The following CUL9 variants were observed in gnomAD, a reference collection of about 807,000 sequenced individuals.
CUL9 encodes cullin-9.
In CUL9, 79 loss-of-function variants were observed where a neutral mutation model predicts 272.6. The observed-to-expected ratio is 0.29, with a 90% CI of 0.24 to 0.35. CUL9 has a LOEUF of 0.35. Ranked by LOEUF, CUL9 falls within the 10% of genes least tolerant of loss-of-function variation. The probability of loss-of-function intolerance (pLI) is 1.00; values close to 1 mark genes in which losing one functional copy is unlikely to be tolerated. For missense variants in CUL9, 2,532 were observed against 3,255.6 expected (o/e 0.78, Z 5.41); for synonymous variants, 1,186 against 1,286.5 (o/e 0.92, Z 1.67).
chr6:43,207,834 G>A (rs899416940), intron 26 of CUL9, among the ~76,000 whole-genome samples: 8 of 152,160 alleles, frequency 5.3e-5, no homozygotes, highest in African/African-American at 1.9e-4. Context: ...AGAAGAATGT[G>A]TATTCTTAAC....
intron 31 of CUL9, among the ~76,000 whole-genome samples, chr6:43,217,190 T>C (rs1040064171): frequency 1.3e-5 from 2 of 152,024 alleles, no homozygotes; most frequent in Non-Finnish European, 2.9e-5. Context: ...ACCCCGTCTC[T>C]ACAAAAAAAT....
chr6:43,189,633 T>G (rs1773257591), intron 8 of CUL9, among the ~76,000 whole-genome samples: 1 of 152,116 alleles, frequency 6.6e-6, no homozygotes, highest in South Asian at 2.1e-4. Flanking sequence ...AACCTCCGCC[T>G]CCTGGGTTCA....
At chr6:43,193,691 A>AC (rs1773732288) in intron 9 of CUL9, among the ~76,000 whole-genome samples, 1 of 152,062 alleles carries the variant, frequency 6.6e-6, no homozygotes, top group Admixed American at 6.6e-5. Context: ...GGCATGAGCC[A>AC]CCGTGCCCAG....
Position 43,187,941 on chromosome 6 carries a change from T to A in CUL9, c.1810T>A (p.Phe604Ile). 1 of 1,614,104 alleles carries A rather than the reference T, an allele frequency of 6.2e-7. No homozygotes were observed. The highest frequency in any genetic ancestry group is 1.1e-5 in the South Asian group (1 of 91,076). ...AGAGGAGTCCAAGTCGGAGGCCAGCTTCTCAGAGGAAGAGACTGAGTCCCT... is the reference window on the plus strand; with the variant it reads ...AGAGGAGTCCAAGTCGGAGGCCAGCATCTCAGAGGAAGAGACTGAGTCCCT... The part of the protein sequence containing the change: ...PEEESKSEAS[F>I]SEEETESLKA... The change falls in exon 7 of 41, where the codon TTC becomes ATC. Residue 604 changes from phenylalanine to isoleucine, a missense_variant. Physicochemically the swap from Phe to Ile is conservative, Grantham distance 21. Around this residue, in one of 3 missense-constraint regions of CUL9, gnomAD observed 2,218 missense variants for 2,788.6 expected, o/e 0.80. Coordinates refer to ENST00000252050, the MANE Select transcript of CUL9 (RefSeq NM_015089.4).
In CUL9 at chr6:43,205,388, T is replaced by C. The variant is rs774087512; in HGVS notation, c.4758T>C (p.Gly1586=). The change falls in exon 24 of 41, where the codon GGT becomes GGC. Residue 1586 remains glycine (G), a synonymous_variant. Transcript: ENST00000252050. Reference sequence around the variant, plus strand: ...TGGAACCCATTATGGTCCTTTCTGGTCTGGAACTGGCCACAACTTTTGAGC... The same window carrying C: ...TGGAACCCATTATGGTCCTTTCTGGCCTGGAACTGGCCACAACTTTTGAGC... ...RHLEPIMVLS[G]LELATTFEHF... The C allele has an allele frequency of 6.2e-7, 1 of 1,614,084 alleles. No homozygotes were observed. The highest frequency in any genetic ancestry group is 8.5e-7 in the Non-Finnish European group (1 of 1,179,994).
intron 26 of CUL9, among the ~76,000 whole-genome samples, chr6:43,208,041 G>C (rs1487429211): frequency 6.6e-6 from 1 of 152,164 alleles, no homozygotes; most frequent in East Asian, 1.9e-4. Context: ...TTGTTAGAAG[G>C]TTAAAATAGT....
Position 43,223,563 on chromosome 6 carries a change from T to C in CUL9, c.7284+166T>C. 3.6e-6 allele frequency: 3 copies of C among 841,062 alleles called. No homozygotes were observed. Among genetic ancestry groups the C allele is most frequent in the Non-Finnish European group, 5.4e-6 (3 of 551,658 alleles). The allele number at this position is 841,062 out of a possible 1,614,324, so 52.1% of individuals were successfully genotyped here. A position where few individuals can be genotyped will look rare whatever the true frequency, so the allele number is the denominator to read the frequency against. ...ATCCCGGCTTTTGGGCCAACCTGCC[T>C]GATGCTGCTGGACCCTATCACTTCA... is the stretch of plus-strand genomic sequence containing the variant. On this transcript the variant is annotated intron_variant, in intron 39 of 40. Transcript: ENST00000252050. The surrounding 1 kb of genome is among the most constrained non-coding windows in gnomAD (Gnocchi z 4.1).
At chr6:43,222,488 C>A in intron 36 of CUL9, 43 bp from the exon 37 acceptor site, 1 of 1,609,060 alleles carries the variant, frequency 6.2e-7, no homozygotes, top group Non-Finnish European at 8.5e-7. Context: ...GCAGGTGGTG[C>A]TGCGCCACCT....
chr6:43,213,349 T>G lies in CUL9; in HGVS notation c.5358+55T>G. The G allele has an allele frequency of 6.2e-7, 1 of 1,611,244 alleles. No individual in the cohort carries two copies. Reference sequence around the variant, plus strand: ...TCTCTGCTACCTTATCTGTCGCTGTTCTCCTCCTAAACCCTGTTCCTCCTT... The same window carrying G: ...TCTCTGCTACCTTATCTGTCGCTGTGCTCCTCCTAAACCCTGTTCCTCCTT... On this transcript the variant is annotated intron_variant, in intron 27 of 40. Transcript: ENST00000252050. The surrounding 1 kb of genome is among the most constrained non-coding windows in gnomAD (Gnocchi z 5.7).
chr6:43,221,734 T>G lies in CUL9; in HGVS notation c.6802T>G (p.Ser2268Ala), dbSNP rs1776383989. The change falls in exon 35 of 41, where the codon TCC (serine) becomes GCC (alanine). Residue 2268 changes from serine (S) to alanine (A), a missense_variant. By Grantham distance (99) the Ser-to-Ala change is moderately conservative. Transcript: ENST00000252050. This position sits in a 1 kb window ranked among gnomAD's most constrained non-coding sequence, Gnocchi z 4.2. The stretch of plus-strand genomic sequence containing the variant: ...TGGATTCTGCTGGCGCTGCCTCAAG[T>G]CCTGGAAGCCAAATCACAAAGACTA... ...NHGFCWRCLK[S>A]WKPNHKDYYN... 6.2e-7 allele frequency: 1 copy of G among 1,613,628 alleles called. No individual in the cohort carries two copies. The highest frequency in any genetic ancestry group is 1.1e-5 in the South Asian group (1 of 91,072).
intron 10 of CUL9, 96 bp downstream of exon 10, chr6:43,196,361 C>A: frequency 8.2e-7 from 1 of 1,218,752 alleles, no homozygotes; most frequent in Non-Finnish European, 1.1e-6. Flanking sequence ...AAATTCCCCT[C>A]ACGCTGTCAC....
At chr6:43,205,463 G>A (rs1183652662) in intron 24 of CUL9, 40 bp downstream of exon 24, 3 of 1,592,496 alleles carry the variant, frequency 1.9e-6, no homozygotes, top group Non-Finnish European at 2.6e-6. Flanking sequence ...GGGAGGCCTA[G>A]ATCTAGAGAG....
Position 43,222,771 on chromosome 6 carries a change from C to T in CUL9, c.7033-8C>T. The T allele has an allele frequency of 6.2e-7, 1 of 1,612,710 alleles. No homozygotes were observed. Among genetic ancestry groups the T allele is most frequent in the Non-Finnish European group, 8.5e-7 (1 of 1,178,908 alleles). On this transcript the variant is annotated splice_polypyrimidine_tract_variant and splice_region_variant and intron_variant, in intron 37 of 40. Transcript: ENST00000252050. ...GGCAGGCGGGAGAGCTGATGGGAGC[C>T]CCTGCAGGTGCTGGCCTACGCCTGC...
chr6:43,186,817 G>C, intron 4 of CUL9, 143 bp from the exon 5 acceptor site: 1 of 1,006,678 alleles, frequency 9.9e-7, no homozygotes, highest in Non-Finnish European at 1.4e-6. Flanking sequence ...GCCATATGGG[G>C]GTTTTTCCAG....
rs1774865282 is a variant in CUL9, at chr6:43,204,220, A to G, written c.4160-140A>G. On this transcript the variant is annotated intron_variant, in intron 20 of 40. Coordinates refer to ENST00000252050, the MANE Select transcript of CUL9 (RefSeq NM_015089.4). ...AACATTTCCCCTGACTCCAGCTGAAACAAACCTTGGTGAGGGGAGGACTAG... is the reference window on the plus strand; with the variant it reads ...AACATTTCCCCTGACTCCAGCTGAAGCAAACCTTGGTGAGGGGAGGACTAG... 3.5e-6 allele frequency: 4 copies of G among 1,154,536 alleles called. No homozygotes were observed. In the South Asian group the frequency reaches 4.5e-5, roughly 13 times the overall value. 71.5% of individuals were successfully genotyped at this position (1,154,536 alleles called of 1,614,324 possible).
Position 43,200,115 on chromosome 6 carries a change from T to A in CUL9, c.3343T>A (p.Tyr1115Asn), listed in dbSNP as rs149540615. 4.6e-5 allele frequency: 74 copies of A among 1,614,192 alleles called. No individual in the cohort carries two copies. The African/African-American group carries it at 9.5e-4, about 21-fold the overall frequency. The change falls in exon 14 of 41, where the codon TAT becomes AAT. Residue 1115 changes from tyrosine to asparagine, a missense_variant. Tyr to Asn is a moderately radical substitution (Grantham distance 143). Coordinates refer to ENST00000252050, the MANE Select transcript of CUL9 (RefSeq NM_015089.4). The surrounding 1 kb of genome is among the most constrained non-coding windows in gnomAD (Gnocchi z 4.0). ...AGAGTGTGAGAAGTACGCACAGCTCTATAGCAACCTCACCTCCAGCATCCT... is the reference window on the plus strand; with the variant it reads ...AGAGTGTGAGAAGTACGCACAGCTCAATAGCAACCTCACCTCCAGCATCCT... ...VTECEKYAQL[Y>N]SNLTSSILAG...
Position 43,213,664 on chromosome 6 carries a change from T to G in CUL9, c.5489-49T>G. Reference sequence around the variant, plus strand: ...AGAATGGGGTCATCTTAGTCCCCATTCATCTGTCCCTCTGCCTCCTCTGGT... The same window carrying G: ...AGAATGGGGTCATCTTAGTCCCCATGCATCTGTCCCTCTGCCTCCTCTGGT... On this transcript the variant is annotated intron_variant, in intron 28 of 40. Transcript: ENST00000252050. This position sits in a 1 kb window ranked among gnomAD's most constrained non-coding sequence, Gnocchi z 5.7. The G allele has an allele frequency of 2.5e-6, 4 of 1,607,202 alleles. No individual in the cohort carries two copies. The highest frequency in any genetic ancestry group is 3.4e-6 in the Non-Finnish European group (4 of 1,176,140).
At position 43,187,407 on chromosome 6, in the gene CUL9, A is replaced by G. The variant is rs199817299; in HGVS notation, c.1549A>G (p.Ile517Val). 1.5e-4 allele frequency: 246 copies of G among 1,614,094 alleles called. 2 individuals carry two copies. In the East Asian group the frequency reaches 5.4e-3, roughly 36 times the overall value. ...GTTGGACTTGTGTGAGCAGCAGCCA[A>G]TTTTCCAGAATCTTTGGAAGAACCT... ...KKLDLCEQQP[I>V]FQNLWKNLDE... The change falls in exon 6 of 41, where the codon ATT becomes GTT. Residue 517 changes from isoleucine (I) to valine (V), a missense_variant. Physicochemically the swap from Ile to Val is conservative, Grantham distance 29. Around this residue, in one of 3 missense-constraint regions of CUL9, gnomAD observed 2,218 missense variants for 2,788.6 expected, o/e 0.80. Coordinates refer to ENST00000252050, the MANE Select transcript of CUL9 (RefSeq NM_015089.4).
intron 26 of CUL9, among the ~76,000 whole-genome samples, chr6:43,209,312 A>C (rs924855855): frequency 6.6e-6 from 1 of 151,402 alleles, no homozygotes; most frequent in African/African-American, 2.4e-5. Context: ...CGCCTGGCTA[A>C]TTTTGTTTTT....
Sources: allele counts gnomAD v4.1 joint callset (sites outside exome capture counted in the v4.1 genomes callset), GRCh38; gene constraint gnomAD v4.1.1; regional missense constraint gnomAD v4.1.1; non-coding constraint Gnocchi (gnomAD v3.1); transcripts MANE v1.5; gene names NCBI Gene and HGNC (gene_info 2026-07-23, HGNC 2026-07-21).